Variants in TPD52 observed in about 807,000 individuals in gnomAD.
TPD52 encodes prostate and colon associated protein.
TPD52 carries 17 observed loss-of-function variants against 31.3 expected under a neutral mutation model. The ratio of observed to expected loss-of-function variants is 0.54; its 90% CI spans 0.37 to 0.82. The LOEUF is 0.82. Among genes scored for constraint, TPD52 ranks in the 40% least tolerant of loss-of-function variants. TPD52 has a pLI of 0.00. For synonymous variants in TPD52, 83 were observed against 89.6 expected (o/e 0.93, Z 0.42); for missense variants, 212 against 240.1 (o/e 0.88, Z 0.77).
At chr8:80,060,247 T>A (rs1011291009) in intron 2 of TPD52, among the ~76,000 whole-genome samples, 2 of 149,430 alleles carry the variant, frequency 1.3e-5, no homozygotes, top group African/African-American at 4.9e-5. Context: ...AAGAATATTA[T>A]GAGCAATTGT....
chr8:80,118,167 T>A (rs1808007344), intron 1 of TPD52, among the ~76,000 whole-genome samples: 1 of 152,116 alleles, frequency 6.6e-6, no homozygotes, highest in South Asian at 2.1e-4. Context: ...ACAGTTAAGG[T>A]TAATTGATTT....
chr8:80,112,044 C>A lies in TPD52; in HGVS notation c.20-47451G>T, dbSNP rs546649198. ...CACCATACCTGATGTGTGGACCACT[C>A]ACAGAATTCACCATGGCTCCAGAAG... On this transcript the variant is annotated intron_variant, in intron 1 of 7. Transcript: ENST00000518937. Among the ~76,000 whole-genome samples the A allele has an allele frequency of 2.6e-5, 4 of 152,318 alleles. No individual in the cohort carries two copies. The East Asian group carries it at 7.7e-4, about 29-fold the overall frequency.
At chr8:80,042,693 T>C (rs1371083135) in intron 6 of TPD52, 25 bp from the exon 7 acceptor site, 4 of 1,592,696 alleles carry the variant, frequency 2.5e-6, no homozygotes, top group South Asian at 1.1e-5. Context: ...GAAAAACAAA[T>C]AGTAAATACA....
At chr8:80,104,336 G>C (rs999031339) in intron 1 of TPD52, among the ~76,000 whole-genome samples, 3 of 152,180 alleles carry the variant, frequency 2.0e-5, no homozygotes, top group African/African-American at 7.2e-5. Flanking sequence ...TCTTCTAAAA[G>C]AATGGGCAAA....
chr8:80,062,563 C>T (rs1244375777), intron 2 of TPD52, among the ~76,000 whole-genome samples: 4 of 152,130 alleles, frequency 2.6e-5, no homozygotes, highest in African/African-American at 9.7e-5. Flanking sequence ...CTACTATAAT[C>T]AACAACACAG....
intron 1 of TPD52, among the ~76,000 whole-genome samples, chr8:80,091,837 G>A (rs537900580): frequency 2.0e-5 from 3 of 152,290 alleles, no homozygotes; most frequent in African/African-American, 7.2e-5. Flanking sequence ...CTTGCTTTCT[G>A]GACAAGCTCC....
chr8:80,171,012 G>A (rs984371957), intron 1 of TPD52: 2 of 434,548 alleles, frequency 4.6e-6, no homozygotes, highest in African/African-American at 4.1e-5. Flanking sequence ...GGAGAGAGGG[G>A]TTTCCCACCT....
intron 1 of TPD52, among the ~76,000 whole-genome samples, chr8:80,083,978 C>G (rs1197810530): frequency 6.6e-6 from 1 of 152,208 alleles, no homozygotes; most frequent in East Asian, 1.9e-4. Flanking sequence ...CAAGCACTCT[C>G]ACTCCATATG....
intron 1 of TPD52, among the ~76,000 whole-genome samples, chr8:80,170,838 T>C (rs1286145953): frequency 6.6e-6 from 1 of 152,140 alleles, no homozygotes; most frequent in Non-Finnish European, 1.5e-5. Flanking sequence ...GATTTCACCC[T>C]TCCTACGAAA....
chr8:80,061,393 A>G (rs1812535888), intron 2 of TPD52, among the ~76,000 whole-genome samples: 1 of 133,416 alleles, frequency 7.5e-6, no homozygotes, highest in African/African-American at 2.7e-5. Context: ...CCCAAAAAAA[A>G]AAGAATCCAC....
chr8:80,053,183 C>CAG, intron 3 of TPD52, 99 bp downstream of exon 3: 2 of 1,332,778 alleles, frequency 1.5e-6, no homozygotes, highest in Non-Finnish European at 2.0e-6. Flanking sequence ...AGAAAAGCTG[C>CAG]TGAAGCATCC....
At chr8:80,166,646 G>A (rs113314298) in intron 1 of TPD52, among the ~76,000 whole-genome samples, 21,866 of 151,706 alleles carry the variant, frequency 0.14, 1,714 homozygotes, top group South Asian at 0.29. Context: ...GCTCACGCCT[G>A]TAATCCCAGC....
intron 5 of TPD52, among the ~76,000 whole-genome samples, chr8:80,047,953 A>G (rs1167227844): frequency 6.6e-6 from 1 of 152,238 alleles, no homozygotes; most frequent in South Asian, 2.1e-4. Context: ...GCTTTTAATA[A>G]CACTAAAATT....
In TPD52 at chr8:80,071,895, G is replaced by A. The variant is rs564184185; in HGVS notation, c.20-7302C>T. On this transcript the variant is annotated intron_variant, in intron 1 of 7. Transcript: ENST00000518937. ...AGCTTCTTGCAAAGCTCCTCACTCT[G>A]GACAATCTGGCCCCACTCCCCAGCA... 2.0e-5 allele frequency among the ~76,000 whole-genome samples: 3 copies of A among 152,172 alleles called. No individual in the cohort carries two copies. The East Asian group carries it at 5.8e-4, about 29-fold the overall frequency.
intron 1 of TPD52, among the ~76,000 whole-genome samples, chr8:80,168,294 G>T (rs932137408): frequency 6.6e-6 from 1 of 152,306 alleles, no homozygotes; most frequent in Middle Eastern, 3.4e-3. Context: ...ACAATCAGTA[G>T]CAAGAACAGA....
chr8:80,069,873 A>T (rs1425406913), intron 1 of TPD52, among the ~76,000 whole-genome samples: 1 of 152,196 alleles, frequency 6.6e-6, no homozygotes, highest in East Asian at 1.9e-4. Flanking sequence ...AAGGCAGAGC[A>T]GAGTGGCCAA....
At chr8:80,152,726 A>G (rs561462834) in intron 1 of TPD52, among the ~76,000 whole-genome samples, 6 of 141,954 alleles carry the variant, frequency 4.2e-5, no homozygotes, top group African/African-American at 1.6e-4. Flanking sequence ...ATGTTGTAGT[A>G]GCCGAGATTG....
chr8:80,097,367 A>C (rs1806412138), intron 1 of TPD52, among the ~76,000 whole-genome samples: 1 of 152,244 alleles, frequency 6.6e-6, no homozygotes, highest in South Asian at 2.1e-4. Context: ...TAGCTAAGAT[A>C]ATTTATGAAG....
intron 1 of TPD52, among the ~76,000 whole-genome samples, chr8:80,067,931 TAG>T (rs138184578): frequency 0.021 from 3,251 of 152,138 alleles, 121 homozygotes; most frequent in African/African-American, 0.073. Context: ...AATATGAAAA[TAG>T]AGTCTGGCTT....
Sources: gnomAD v4.1 joint callset for allele counts (sites outside exome capture counted in the v4.1 genomes callset) on GRCh38, gnomAD v4.1.1 for gene constraint, MANE v1.5 for transcripts, NCBI Gene and HGNC (gene_info 2026-07-23, HGNC 2026-07-21) for gene names.